The following ASIC2 variants were observed in gnomAD, a reference collection of about 807,000 sequenced individuals.
The protein encoded by ASIC2 is acid-sensing ion channel 2.
ASIC2 carries 25 observed loss-of-function variants against 57.3 expected under a neutral mutation model. That is an observed-to-expected ratio of 0.44 (90% CI 0.32 to 0.61). ASIC2 has a LOEUF of 0.61. Among genes scored for constraint, ASIC2 ranks in the 20% least tolerant of loss-of-function variants. The pLI is 0.06. For synonymous variants in ASIC2, 319 were observed against 307.5 expected, an observed-to-expected ratio of 1.04 and a Z score of -0.39; for missense variants, 641 against 738.1, an observed-to-expected ratio of 0.87 and a Z score of 1.52.
At chr17:33,299,665 CT>C (rs1905869528) in intron 1 of ASIC2, among the ~76,000 whole-genome samples, 2 of 152,064 alleles carry the variant, frequency 1.3e-5, no homozygotes, top group South Asian at 4.1e-4. Context: ...TCTCAGCTCC[CT>C]TTCTTCTATC....
chr17:34,012,549 G>A (rs1238629179), intron 1 of ASIC2, among the ~76,000 whole-genome samples: 1 of 152,088 alleles, frequency 6.6e-6, no homozygotes, highest in African/African-American at 2.4e-5. Context: ...CCCCTTTAGG[G>A]AGCTTTTCCT....
chr17:33,041,468 T>C (rs2091929596), intron 3 of ASIC2, among the ~76,000 whole-genome samples: 1 of 152,158 alleles, frequency 6.6e-6, no homozygotes, highest in African/African-American at 2.4e-5. Context: ...CTTTGACACA[T>C]AGTGGGTGCT....
chr17:33,429,334 A>T (rs1055434013), intron 1 of ASIC2, among the ~76,000 whole-genome samples: 8 of 152,182 alleles, frequency 5.3e-5, no homozygotes, highest in African/African-American at 1.9e-4. Context: ...GGGCTGAGAG[A>T]GCACAGAGGA....
chr17:33,919,273 C>G (rs914812251), intron 1 of ASIC2, among the ~76,000 whole-genome samples: 4 of 152,132 alleles, frequency 2.6e-5, no homozygotes, highest in Non-Finnish European at 4.4e-5. Context: ...CTGTCTGAGT[C>G]CAGTCGCTGA....
At chr17:33,494,598 C>T (rs534249801) in intron 1 of ASIC2, among the ~76,000 whole-genome samples, 39 of 152,236 alleles carry the variant, frequency 2.6e-4, no homozygotes, top group Admixed American at 5.9e-4. Context: ...AAAACCCTCA[C>T]GGCTGGGAAG....
At chr17:33,954,581 G>A (rs780579084) in intron 1 of ASIC2, among the ~76,000 whole-genome samples, 10 of 152,258 alleles carry the variant, frequency 6.6e-5, no homozygotes, top group South Asian at 2.1e-4. Flanking sequence ...AGTGCCACTG[G>A]GGCTGTAAAA....
At chr17:33,958,661 A>G (rs1197891661) in intron 1 of ASIC2, among the ~76,000 whole-genome samples, 1 of 152,114 alleles carries the variant, frequency 6.6e-6, no homozygotes, top group Non-Finnish European at 1.5e-5. Flanking sequence ...AGCCCATGAA[A>G]GCATTTTTCC....
At chr17:34,006,102 C>G (rs1226986098) in intron 1 of ASIC2, 1 of 152,224 alleles carries the variant, frequency 6.6e-6, no homozygotes, top group Non-Finnish European at 1.5e-5. Flanking sequence ...AATTGTGAAA[C>G]ACGTGAAGGA....
chr17:33,676,318 A>T (rs1052465971), intron 1 of ASIC2, among the ~76,000 whole-genome samples: 1 of 152,266 alleles, frequency 6.6e-6, no homozygotes, highest in African/African-American at 2.4e-5. Flanking sequence ...TTAAATCAAA[A>T]GCTAGAAATG....
At chr17:34,114,831 A>G (rs946906196) in intron 1 of ASIC2, among the ~76,000 whole-genome samples, 1 of 152,188 alleles carries the variant, frequency 6.6e-6, no homozygotes, top group Admixed American at 6.5e-5. Context: ...GGAGGCAGAC[A>G]TAAGGTCAGG....
chr17:33,813,117 C>A (rs1478931554), intron 1 of ASIC2, among the ~76,000 whole-genome samples: 1 of 152,084 alleles, frequency 6.6e-6, no homozygotes, highest in Non-Finnish European at 1.5e-5. Flanking sequence ...CATGGAAAGC[C>A]TTTATAGGAT....
At chr17:34,039,590 C>G in intron 1 of ASIC2, 1 of 1,613,918 alleles carries the variant, frequency 6.2e-7, no homozygotes, top group Non-Finnish European at 8.5e-7. Context: ...GTTCCCGGCC[C>G]GCTTCCCCCA....
chr17:33,963,617 T>C (rs1408719340), intron 1 of ASIC2, among the ~76,000 whole-genome samples: 1 of 151,646 alleles, frequency 6.6e-6, no homozygotes. Flanking sequence ...TGTTATATTA[T>C]ATATTATGTA....
At chr17:33,740,220 G>C (rs544919403) in intron 1 of ASIC2, among the ~76,000 whole-genome samples, 1 of 152,208 alleles carries the variant, frequency 6.6e-6, no homozygotes, top group South Asian at 2.1e-4. Flanking sequence ...CAAATATTAT[G>C]ATATATAGTT....
At chr17:33,332,891 A>T (rs6505335) in intron 1 of ASIC2, among the ~76,000 whole-genome samples, 2,792 of 151,898 alleles carry the variant, frequency 0.018, 79 homozygotes, top group African/African-American at 0.064. Flanking sequence ...ACTCCATCTC[A>T]AAACAAAACA....
At chr17:34,014,972 C>T (rs774995454) in intron 1 of ASIC2, among the ~76,000 whole-genome samples, 10 of 151,758 alleles carry the variant, frequency 6.6e-5, no homozygotes, top group Non-Finnish European at 1.2e-4. Context: ...GAATCCTCGA[C>T]CTCACAGGCT....
At chr17:33,444,761 G>C (rs1222224227) in intron 1 of ASIC2, among the ~76,000 whole-genome samples, 1 of 152,212 alleles carries the variant, frequency 6.6e-6, no homozygotes, top group African/African-American at 2.4e-5. Flanking sequence ...CTACTAAGCA[G>C]TGATCACAGC....
chr17:33,853,930 C>T (rs932787470), intron 1 of ASIC2, among the ~76,000 whole-genome samples: 2 of 152,210 alleles, frequency 1.3e-5, no homozygotes, highest in African/African-American at 4.8e-5. Flanking sequence ...CGTCTCTAAA[C>T]TTCCCTTGCA....
intron 1 of ASIC2, among the ~76,000 whole-genome samples, chr17:33,453,986 T>A (rs1253138460): frequency 6.6e-6 from 1 of 152,258 alleles, no homozygotes; most frequent in Non-Finnish European, 1.5e-5. Flanking sequence ...TTTTCCTATA[T>A]GGTTGTAACA....
Sources: gnomAD v4.1 joint callset for allele counts (sites outside exome capture counted in the v4.1 genomes callset) on GRCh38, gnomAD v4.1.1 for gene constraint, MANE v1.5 for transcripts, NCBI Gene and HGNC (gene_info 2026-07-23, HGNC 2026-07-21) for gene names.